LEF1: variants seen among roughly 807,000 people sequenced by gnomAD.
LEF1 encodes the protein lymphoid enhancer binding factor 1, also known as lymphoid enhancer-binding factor 1.
Under a neutral mutation model 51.2 loss-of-function variants are expected in LEF1, and 14 were observed. The ratio of observed to expected loss-of-function variants is 0.27; its 90% CI spans 0.18 to 0.43. The LOEUF (loss-of-function observed/expected upper bound fraction) is 0.43, where lower values mean the gene tolerates loss of function less well. LEF1 is among the 20% of genes least tolerant of loss of function. The pLI is 1.00. For synonymous variants in LEF1, 185 were observed against 183.2 expected (o/e 1.01, Z -0.08); for missense variants, 386 against 512.0 (o/e 0.75, Z 2.37).
intron 11 of LEF1, among the ~76,000 whole-genome samples, chr4:108,054,500 G>T (rs1426116548): frequency 6.6e-6 from 1 of 152,212 alleles, no homozygotes; most frequent in Non-Finnish European, 1.5e-5. Context: ...CCACAATGGG[G>T]CTGCTACAGA....
chr4:108,136,028 T>C (rs1427764787), intron 3 of LEF1, among the ~76,000 whole-genome samples: 1 of 152,136 alleles, frequency 6.6e-6, no homozygotes, highest in Non-Finnish European at 1.5e-5. Context: ...TCTCAGCTGC[T>C]CAGGGGAAGG....
chr4:108,094,414 G>C (rs1740246258), intron 3 of LEF1, among the ~76,000 whole-genome samples: 1 of 152,296 alleles, frequency 6.6e-6, no homozygotes, highest in East Asian at 1.9e-4. Context: ...ACACGAAGTG[G>C]GTGCCACTTA....
chr4:108,131,874 A>C (rs1028308880), intron 3 of LEF1, among the ~76,000 whole-genome samples: 1 of 152,250 alleles, frequency 6.6e-6, no homozygotes, highest in Admixed American at 6.5e-5. Flanking sequence ...GTTCAATGAA[A>C]TACTGGTTGT....
chr4:108,061,430 C>T (rs747050375), intron 11 of LEF1, among the ~76,000 whole-genome samples: 1 of 152,114 alleles, frequency 6.6e-6, no homozygotes, highest in African/African-American at 2.4e-5. Flanking sequence ...AACACCAAAT[C>T]GACTACCAAA....
chr4:108,163,482 A>G (rs1204616697), intron 3 of LEF1, 86 bp downstream of exon 3: 1 of 1,425,022 alleles, frequency 7.0e-7, no homozygotes, highest in Non-Finnish European at 9.7e-7. Flanking sequence ...AGCATTACCA[A>G]TGAGTTTGGA....
intron 3 of LEF1, among the ~76,000 whole-genome samples, chr4:108,149,617 A>ATACACGTGTATATATATGTACATATATG (rs1744237554): frequency 1.2e-4 from 18 of 148,502 alleles, no homozygotes; most frequent in African/African-American, 4.3e-4. Flanking sequence ...GTACATATAT[A>ATACACGTGTATATATATGTACATATATG]TACATGTGTA....
rs143841410 is a variant in LEF1, at chr4:108,147,122, G to C, written c.414+16446C>G. On this transcript the variant is annotated intron_variant, in intron 3 of 11. Coordinates refer to ENST00000265165, the MANE Select transcript of LEF1 (RefSeq NM_016269.5). ...CAGCCTGGGTTACAGAGAGAGGCCCGGGAGGGAGGGAGAGAAGGAAACAGG... is the reference window on the plus strand; with the variant it reads ...CAGCCTGGGTTACAGAGAGAGGCCCCGGAGGGAGGGAGAGAAGGAAACAGG... Among the ~76,000 whole-genome samples, 619 of 152,124 alleles carry C rather than the reference G, an allele frequency of 4.1e-3. 5 individuals are homozygous for C. Among genetic ancestry groups the C allele is most frequent in the African/African-American group, 0.014 (588 of 41,502 alleles).
chr4:108,073,841 T>TG (rs1738665236), intron 8 of LEF1, among the ~76,000 whole-genome samples: 1 of 150,964 alleles, frequency 6.6e-6, no homozygotes, highest in Non-Finnish European at 1.5e-5. Flanking sequence ...CCCTTTTTTT[T>TG]TTGAGACAGA....
intron 3 of LEF1, among the ~76,000 whole-genome samples, chr4:108,125,791 T>C (rs1265603288): frequency 6.6e-6 from 1 of 151,972 alleles, no homozygotes; most frequent in Non-Finnish European, 1.5e-5. Flanking sequence ...CCCACAACAG[T>C]TTAAGTACAG....
rs148709592 is a variant in LEF1 at position 108,103,165 on chromosome 4, C to T, written c.415-13908G>A. Among the ~76,000 whole-genome samples the T allele has an allele frequency of 5.9e-5, 9 of 152,344 alleles. No homozygotes were observed. The East Asian group carries it at 1.2e-3, about 20-fold the overall frequency. On this transcript the variant is annotated intron_variant, in intron 3 of 11. Transcript: ENST00000265165. ...AGTGAGAATTGTCAAGCTGCAAACA[C>T]GCAGCCAAACAACAAAGCATCACTA...
intron 3 of LEF1, among the ~76,000 whole-genome samples, chr4:108,141,944 GA>G (rs1347738255): frequency 1.3e-5 from 2 of 151,808 alleles, no homozygotes; most frequent in East Asian, 3.8e-4. Context: ...AAAAGGCCCA[GA>G]AAAAAAATTA....
intron 3 of LEF1, among the ~76,000 whole-genome samples, chr4:108,106,026 G>A (rs938872401): frequency 6.6e-6 from 1 of 152,120 alleles, no homozygotes; most frequent in South Asian, 2.1e-4. Context: ...TTGCCACCCC[G>A]AATCCAGTGC....
chr4:108,087,935 T>C (rs1289272632), intron 4 of LEF1, among the ~76,000 whole-genome samples: 3 of 152,148 alleles, frequency 2.0e-5, no homozygotes, highest in Admixed American at 2.0e-4. Context: ...CTCTTGAACA[T>C]TCCTAATTTG....
chr4:108,112,349 G>T (rs1741583961), intron 3 of LEF1, among the ~76,000 whole-genome samples: 1 of 152,180 alleles, frequency 6.6e-6, no homozygotes, highest in Admixed American at 6.5e-5. Flanking sequence ...CCCATGCCTG[G>T]GGTAGAGTGT....
At chr4:108,089,030 C>G in intron 4 of LEF1, 95 bp downstream of exon 4, 1 of 1,356,740 alleles carries the variant, frequency 7.4e-7, no homozygotes, top group African/African-American at 1.5e-5. Flanking sequence ...CACCCAGTGA[C>G]ATGGAGCACT....
chr4:108,079,547 C>A lies in LEF1; in HGVS notation c.790G>T (p.Val264Leu). ...HTTGIPHPAI[V>L]TPQVKQEHPH... ...TGTTCCTGTTTGACCTGAGGTGTTA[C>A]AATAGCTGGATGAGGGATGCCAGTT... is the stretch of plus-strand genomic sequence containing the variant. The change falls in exon 7 of 12, where the codon GTA (valine) becomes TTA (leucine). Residue 264 changes from valine (V) to leucine (L), a missense_variant. Physicochemically the swap from Val to Leu is conservative, Grantham distance 32. Coordinates refer to ENST00000265165, the MANE Select transcript of LEF1 (RefSeq NM_016269.5). 1 of 1,614,004 alleles carries A rather than the reference C, an allele frequency of 6.2e-7. No individual in the cohort carries two copies. Among genetic ancestry groups the A allele is most frequent in the Non-Finnish European group, 8.5e-7 (1 of 1,179,942 alleles).
chr4:108,088,860 T>C (rs747425395), intron 4 of LEF1, among the ~76,000 whole-genome samples: 3 of 152,194 alleles, frequency 2.0e-5, no homozygotes, highest in Admixed American at 6.5e-5. Flanking sequence ...GCACAATCTA[T>C]TGGTTTACAT....
At chr4:108,165,381 C>A in intron 1 of LEF1, 1 of 503,018 alleles carries the variant, frequency 2.0e-6, no homozygotes, top group South Asian at 3.5e-5. Context: ...GGACCAAAAA[C>A]GTATAAATAA....
At position 108,138,506 on chromosome 4, in the gene LEF1, T is replaced by TATACAC. The variant is rs1743439127; in HGVS notation, c.414+25061_414+25062insGTGTAT. 3.3e-5 allele frequency among the ~76,000 whole-genome samples: 5 copies of TATACAC among 150,378 alleles called. No individual in the cohort carries two copies. In the South Asian group the frequency reaches 1.1e-3, roughly 32 times the overall value. On this transcript the variant is annotated intron_variant, in intron 3 of 11. Coordinates refer to ENST00000265165, the MANE Select transcript of LEF1 (RefSeq NM_016269.5). Reference sequence around the variant, plus strand: ...ATGTACAGGTGTGTATGTGTGTGTATACACACACACACACACACACACGAG... The same window carrying TATACAC: ...ATGTACAGGTGTGTATGTGTGTGTATATACACACACACACACACACACACACACGAG...
Sources: allele counts gnomAD v4.1 joint callset (sites outside exome capture counted in the v4.1 genomes callset), GRCh38; gene constraint gnomAD v4.1.1; transcripts MANE v1.5; gene names NCBI Gene and HGNC (gene_info 2026-07-23, HGNC 2026-07-21).